ZEB1: variants seen among roughly 807,000 people sequenced by gnomAD.
ZEB1 encodes the protein zinc finger E-box binding homeobox 1, also known as zinc finger E-box-binding homeobox 1.
In ZEB1, 21 loss-of-function variants were observed where a neutral mutation model predicts 84.9. That is an observed-to-expected ratio of 0.25 (90% CI 0.18 to 0.36). The LOEUF (loss-of-function observed/expected upper bound fraction) is 0.36, where lower values mean the gene tolerates loss of function less well. ZEB1 is among the 10% of genes least tolerant of loss of function. The pLI, the probability that ZEB1 is intolerant of heterozygous loss-of-function variation, is 1.00. For missense variants in ZEB1, 1,104 were observed against 1,330.2 expected, an observed-to-expected ratio of 0.83 and a Z score of 2.65; for synonymous variants, 420 against 471.1, an observed-to-expected ratio of 0.89 and a Z score of 1.41.
At chr10:31,406,158 T>C (rs1346632327) in intron 1 of ZEB1, among the ~76,000 whole-genome samples, 9 of 152,212 alleles carry the variant, frequency 5.9e-5, no homozygotes, top group Admixed American at 5.9e-4. Context: ...AACATACATA[T>C]GCGTGTGTCT....
intron 1 of ZEB1, among the ~76,000 whole-genome samples, chr10:31,369,608 G>A (rs977963789): frequency 6.6e-6 from 1 of 152,098 alleles, no homozygotes. Context: ...TCCATTGATA[G>A]ACACTTAGGT....
intron 4 of ZEB1, among the ~76,000 whole-genome samples, chr10:31,510,436 T>C (rs1048105619): frequency 1.3e-5 from 2 of 152,220 alleles, no homozygotes; most frequent in African/African-American, 4.8e-5. Flanking sequence ...CAGCCCGTAT[T>C]TGAACCCTGA....
At chr10:31,432,619 T>C (rs72807304) in intron 1 of ZEB1, among the ~76,000 whole-genome samples, 1,857 of 152,270 alleles carry the variant, frequency 0.012, 16 homozygotes, top group Non-Finnish European at 0.019. Context: ...TGTGAATAGA[T>C]ACATTTGATT....
At chr10:31,464,256 G>A (rs2062128135) in intron 2 of ZEB1, among the ~76,000 whole-genome samples, 1 of 152,078 alleles carries the variant, frequency 6.6e-6, no homozygotes, top group Non-Finnish European at 1.5e-5. Context: ...GGGAGGCTGA[G>A]GCAGGAGAAT....
At chr10:31,517,314 G>T (rs979227974) in intron 6 of ZEB1, among the ~76,000 whole-genome samples, 1 of 151,916 alleles carries the variant, frequency 6.6e-6, no homozygotes, top group African/African-American at 2.4e-5. Flanking sequence ...TTAATAATTA[G>T]TTGATTCTAC....
At chr10:31,469,732 G>C (rs1484007864) in intron 2 of ZEB1, among the ~76,000 whole-genome samples, 1 of 152,220 alleles carries the variant, frequency 6.6e-6, no homozygotes, top group African/African-American at 2.4e-5. Flanking sequence ...AGGCCTGCCT[G>C]CCTCTGTAGG....
chr10:31,419,484 A>G (rs1319586565), intron 1 of ZEB1, among the ~76,000 whole-genome samples: 1 of 152,126 alleles, frequency 6.6e-6, no homozygotes, highest in Non-Finnish European at 1.5e-5. Context: ...TTGCTAAGAG[A>G]ACAGGTAGAA....
intron 1 of ZEB1, among the ~76,000 whole-genome samples, chr10:31,430,858 T>G (rs1030459119): frequency 6.6e-6 from 1 of 152,206 alleles, no homozygotes; most frequent in Non-Finnish European, 1.5e-5. Flanking sequence ...ATATAAAGTT[T>G]ACAATTTACA....
chr10:31,352,348 C>CA (rs995782612), intron 1 of ZEB1, among the ~76,000 whole-genome samples: 9 of 151,942 alleles, frequency 5.9e-5, no homozygotes, highest in African/African-American at 2.2e-4. Flanking sequence ...TCGGTAGTCA[C>CA]AAAAAAACAA....
chr10:31,527,472 C>G lies in ZEB1; in HGVS notation c.*208C>G, dbSNP rs1325478508. On this transcript the variant is annotated 3_prime_UTR_variant, in exon 9 of 9. Coordinates refer to ENST00000424869, the MANE Select transcript of ZEB1 (RefSeq NM_001174096.2). ...ACACACAAAATAAATCCGGGTGTGC[C>G]TGAACCTCAGACCTAGTAATTTTTC... is the stretch of plus-strand genomic sequence containing the variant. 3.1e-6 allele frequency: 2 copies of G among 655,240 alleles called. No individual in the cohort carries two copies. The highest frequency in any genetic ancestry group is 4.9e-6 in the Non-Finnish European group (2 of 404,164). The allele number at this position is 655,240 out of a possible 1,614,324, so 40.6% of individuals were successfully genotyped here. A position where few individuals can be genotyped will look rare whatever the true frequency, so the allele number is the denominator to read the frequency against.
At chr10:31,371,398 T>G (rs1488257782) in intron 1 of ZEB1, among the ~76,000 whole-genome samples, 1 of 152,208 alleles carries the variant, frequency 6.6e-6, no homozygotes, top group Non-Finnish European at 1.5e-5. Context: ...ATCTTTGGTC[T>G]TCTCCCAGAG....
intron 2 of ZEB1, among the ~76,000 whole-genome samples, chr10:31,466,596 A>G (rs1193208076): frequency 1.3e-5 from 2 of 152,244 alleles, no homozygotes; most frequent in East Asian, 3.8e-4. Context: ...AAAACATGGA[A>G]TGCAGCAAAA....
At chr10:31,342,476 T>C (rs1438213315) in intron 1 of ZEB1, among the ~76,000 whole-genome samples, 1 of 152,084 alleles carries the variant, frequency 6.6e-6, no homozygotes, top group Admixed American at 6.6e-5. Context: ...GAGATAGGGT[T>C]GTTCAGTGTT....
intron 1 of ZEB1, among the ~76,000 whole-genome samples, chr10:31,457,436 C>A (rs1348000687): frequency 6.6e-6 from 1 of 151,986 alleles, no homozygotes; most frequent in Non-Finnish European, 1.5e-5. Flanking sequence ...AGCTAAGTGA[C>A]AGAAGCAAAA....
chr10:31,343,932 A>G (rs1002862712), intron 1 of ZEB1, among the ~76,000 whole-genome samples: 1 of 152,100 alleles, frequency 6.6e-6, no homozygotes, highest in Non-Finnish European at 1.5e-5. Context: ...CTTGGGGTCA[A>G]TTTGGCATAA....
At chr10:31,518,919 T>G in intron 6 of ZEB1, among the ~76,000 whole-genome samples, 1 of 152,194 alleles carries the variant, frequency 6.6e-6, no homozygotes, top group East Asian at 1.9e-4. Flanking sequence ...ACTCACATGT[T>G]TAAACTATAG....
At chr10:31,474,076 T>C (rs2063694984) in intron 2 of ZEB1, among the ~76,000 whole-genome samples, 3 of 152,136 alleles carry the variant, frequency 2.0e-5, no homozygotes, top group Admixed American at 6.5e-5. Flanking sequence ...GGATTAAAGA[T>C]TTAAATGTTA....
chr10:31,367,542 C>T (rs558063124), intron 1 of ZEB1, among the ~76,000 whole-genome samples: 18 of 152,238 alleles, frequency 1.2e-4, no homozygotes, highest in African/African-American at 3.6e-4. Context: ...TGTGGTAATA[C>T]GCTATTATCT....
chr10:31,526,398 C>T (rs990748411), intron 8 of ZEB1, among the ~76,000 whole-genome samples: 5 of 152,118 alleles, frequency 3.3e-5, no homozygotes, highest in Non-Finnish European at 7.4e-5. Context: ...TTTTCCACCT[C>T]GCTGTCATGA....
Sources: allele counts gnomAD v4.1 joint callset (sites outside exome capture counted in the v4.1 genomes callset), GRCh38; gene constraint gnomAD v4.1.1; transcripts MANE v1.5; gene names NCBI Gene and HGNC (gene_info 2026-07-23, HGNC 2026-07-21).